GRID2: variants seen among roughly 807,000 people sequenced by gnomAD.
GRID2 encodes glutamate receptor ionotropic, delta-2.
A neutral mutation model predicts 114.8 loss-of-function variants in GRID2; 33 were observed. The ratio of observed to expected loss-of-function variants is 0.29; its 90% CI spans 0.22 to 0.38. The LOEUF (loss-of-function observed/expected upper bound fraction) is 0.38, where lower values mean the gene tolerates loss of function less well. GRID2 is among the 10% of genes least tolerant of loss of function. The pLI, the probability that GRID2 is intolerant of heterozygous loss-of-function variation, is 1.00. For missense variants in GRID2, 1,184 were observed against 1,257.7 expected (o/e 0.94, Z 0.89); for synonymous variants, 505 against 449.9 (o/e 1.12, Z -1.55).
At chr4:93,625,168 T>C (rs999776931) in intron 13 of GRID2, among the ~76,000 whole-genome samples, 6 of 152,226 alleles carry the variant, frequency 3.9e-5, no homozygotes, top group African/African-American at 1.4e-4. Context: ...ATGATACCTA[T>C]ACTGAGTGAG....
chr4:92,493,064 GTT>G (rs1233376589), intron 1 of GRID2, among the ~76,000 whole-genome samples: 5 of 144,320 alleles, frequency 3.5e-5, no homozygotes, highest in Non-Finnish European at 7.5e-5. Flanking sequence ...TGGAGGCAGA[GTT>G]TGCAGTGAAC....
At chr4:93,439,504 T>G (rs1254562900) in intron 10 of GRID2, among the ~76,000 whole-genome samples, 1 of 152,062 alleles carries the variant, frequency 6.6e-6, no homozygotes, top group Non-Finnish European at 1.5e-5. Context: ...TAGGAACAAT[T>G]AGTCAGTGAG....
At chr4:93,053,351 A>T (rs1010933932) in intron 2 of GRID2, among the ~76,000 whole-genome samples, 1 of 151,798 alleles carries the variant, frequency 6.6e-6, no homozygotes, top group African/African-American at 2.4e-5. Context: ...CATTTTTTGA[A>T]GTCTTGTTTT....
chr4:93,393,080 AC>A (rs1271586853), intron 8 of GRID2, among the ~76,000 whole-genome samples: 3 of 152,028 alleles, frequency 2.0e-5, no homozygotes, highest in African/African-American at 4.8e-5. Context: ...TCTTAGTTAT[AC>A]CCCATTATCA....
intron 1 of GRID2, among the ~76,000 whole-genome samples, chr4:92,397,819 C>A (rs894220149): frequency 4.6e-5 from 7 of 152,006 alleles, no homozygotes; most frequent in Middle Eastern, 3.2e-3. Flanking sequence ...TAATAATGAA[C>A]CATATGGAAA....
At chr4:93,297,618 A>C (rs182252658) in intron 8 of GRID2, among the ~76,000 whole-genome samples, 90 of 152,240 alleles carry the variant, frequency 5.9e-4, no homozygotes, top group Non-Finnish European at 1.0e-3. Context: ...CTATCTACTC[A>C]TCTGGAAAAC....
intron 11 of GRID2, among the ~76,000 whole-genome samples, chr4:93,463,904 G>C (rs572374707): frequency 2.6e-5 from 4 of 152,208 alleles, no homozygotes; most frequent in South Asian, 4.1e-4. Context: ...CAGGAGAATG[G>C]CGTGAACCTG....
rs1296248211 is a variant in GRID2, at chr4:92,342,490, A to C, written c.88+37746A>C. ...AAGTCAGTGATCTCATCAATGGCTC[A>C]TTTTAGTTAAAGCATTTAGAAGCAA... On this transcript the variant is annotated intron_variant, in intron 1 of 15. Transcript: ENST00000282020. 2.6e-5 allele frequency among the ~76,000 whole-genome samples: 4 copies of C among 152,304 alleles called. No homozygotes were observed. The South Asian group carries it at 8.3e-4, about 32-fold the overall frequency.
At chr4:92,940,916 G>T (rs1216909466) in intron 2 of GRID2, among the ~76,000 whole-genome samples, 1 of 152,182 alleles carries the variant, frequency 6.6e-6, no homozygotes, top group African/African-American at 2.4e-5. Flanking sequence ...CACGGATGAA[G>T]CCCTCTTGAT....
intron 2 of GRID2, among the ~76,000 whole-genome samples, chr4:92,943,155 T>C (rs1751310235): frequency 4.6e-5 from 7 of 152,232 alleles, no homozygotes; most frequent in Admixed American, 4.6e-4. Context: ...GATAATATCC[T>C]GCAGGGTGTT....
At chr4:92,476,086 C>A (rs373535652) in intron 1 of GRID2, among the ~76,000 whole-genome samples, 1 of 141,066 alleles carries the variant, frequency 7.1e-6, no homozygotes, top group African/African-American at 2.6e-5. Context: ...AGTGCAGTGG[C>A]GCAATCTTGG....
chr4:92,332,604 C>T (rs1366542346), intron 1 of GRID2, among the ~76,000 whole-genome samples: 4 of 152,178 alleles, frequency 2.6e-5, no homozygotes, highest in Non-Finnish European at 5.9e-5. Context: ...AAAGTTTCAT[C>T]TAAATCAAAT....
chr4:92,793,165 T>C (rs1480508322), intron 2 of GRID2, among the ~76,000 whole-genome samples: 1 of 151,844 alleles, frequency 6.6e-6, no homozygotes, highest in Non-Finnish European at 1.5e-5. Context: ...TTTTGAATCT[T>C]GGACGTTTTC....
At chr4:93,351,324 C>G (rs1045879739) in intron 8 of GRID2, among the ~76,000 whole-genome samples, 1 of 151,990 alleles carries the variant, frequency 6.6e-6, no homozygotes, top group African/African-American at 2.4e-5. Flanking sequence ...CACAGAGTGA[C>G]AGCACACAGA....
At chr4:92,442,303 G>T (rs1316732508) in intron 1 of GRID2, among the ~76,000 whole-genome samples, 6 of 151,942 alleles carry the variant, frequency 3.9e-5, no homozygotes, top group Non-Finnish European at 8.8e-5. Context: ...TCTGAGAGTG[G>T]CTCCCAGGTG....
intron 10 of GRID2, among the ~76,000 whole-genome samples, chr4:93,448,676 G>A (rs1026142522): frequency 1.3e-5 from 2 of 151,904 alleles, no homozygotes; most frequent in African/African-American, 4.8e-5. Context: ...TTAAACAACT[G>A]TAGAAAAGAG....
At chr4:93,720,345 T>C (rs1048890286) in intron 14 of GRID2, among the ~76,000 whole-genome samples, 16 of 152,200 alleles carry the variant, frequency 1.1e-4, no homozygotes, top group African/African-American at 3.4e-4. Flanking sequence ...AGAAACCTTA[T>C]ATTAATCTCT....
chr4:92,870,548 T>C (rs1013525796), intron 2 of GRID2, among the ~76,000 whole-genome samples: 3 of 152,260 alleles, frequency 2.0e-5, no homozygotes, highest in Admixed American at 2.0e-4. Context: ...AGGTGAGATA[T>C]ATGTTTCAGA....
intron 2 of GRID2, among the ~76,000 whole-genome samples, chr4:92,931,632 A>G (rs1750245382): frequency 6.6e-6 from 1 of 151,032 alleles, no homozygotes; most frequent in African/African-American, 2.4e-5. Flanking sequence ...ATACACACAC[A>G]CACACACACA....
Sources: allele counts gnomAD v4.1 joint callset (sites outside exome capture counted in the v4.1 genomes callset), GRCh38; gene constraint gnomAD v4.1.1; transcripts MANE v1.5; gene names NCBI Gene and HGNC (gene_info 2026-07-23, HGNC 2026-07-21).